The following LGR6 variants were observed in gnomAD, a reference collection of about 807,000 sequenced individuals.
LGR6 encodes the protein leucine-rich repeat-containing G protein-coupled receptor 6.
In LGR6, 45 loss-of-function variants were observed where a neutral mutation model predicts 69.4. The observed-to-expected ratio is 0.65, with a 90% CI of 0.51 to 0.83. The LOEUF (loss-of-function observed/expected upper bound fraction) is 0.83, where lower values mean the gene tolerates loss of function less well. LGR6 is among the 40% of genes least tolerant of loss of function. The pLI is 0.00. For synonymous variants in LGR6, 538 were observed against 555.0 expected (o/e 0.97, Z 0.43); for missense variants, 1,108 against 1,246.7 (o/e 0.89, Z 1.68).
chr1:202,221,729 A>C (rs1008993764), intron 1 of LGR6, among the ~76,000 whole-genome samples: 8 of 152,232 alleles, frequency 5.3e-5, no homozygotes, highest in African/African-American at 1.9e-4. Context: ...GAGCCCAGCT[A>C]TCCCATCCCA....
chr1:202,249,750 G>A (rs1198618937), intron 4 of LGR6, among the ~76,000 whole-genome samples: 1 of 152,140 alleles, frequency 6.6e-6, no homozygotes, highest in Non-Finnish European at 1.5e-5. Flanking sequence ...TCGCTCTGGA[G>A]TAGGTCCTCT....
At chr1:202,237,384 G>A (rs1348843524) in intron 4 of LGR6, among the ~76,000 whole-genome samples, 1 of 152,228 alleles carries the variant, frequency 6.6e-6, no homozygotes, top group East Asian at 1.9e-4. Context: ...GCGCAGCAGG[G>A]ACAGCCAAAA....
chr1:202,288,931 G>A (rs1325628288), intron 6 of LGR6, among the ~76,000 whole-genome samples: 3 of 152,150 alleles, frequency 2.0e-5, no homozygotes, highest in African/African-American at 7.2e-5. Context: ...CAAACATCCA[G>A]GTGAGAGGGA....
chr1:202,301,392 A>T lies in LGR6; in HGVS notation c.929+157A>T, dbSNP rs369363878. On this transcript the variant is annotated intron_variant, in intron 9 of 17. Coordinates refer to ENST00000367278, the MANE Select transcript of LGR6 (RefSeq NM_001017403.2). ...GGCTGCAGGCCTCTGCTTTGCTCAG[A>T]CCCGTTCCCACCTCTTTCTAAATTT... is the stretch of plus-strand genomic sequence containing the variant. Among the ~76,000 whole-genome samples, 92 of 152,238 alleles carry T rather than the reference A, an allele frequency of 6.0e-4. 1 individual carries two copies. In the South Asian group the frequency reaches 0.016, roughly 27 times the overall value.
At chr1:202,281,766 C>T (rs1666024024) in intron 6 of LGR6, among the ~76,000 whole-genome samples, 1 of 151,892 alleles carries the variant, frequency 6.6e-6, no homozygotes, top group Non-Finnish European at 1.5e-5. Context: ...TCCACCTTGC[C>T]CTCCATAACC....
chr1:202,314,020 G>T (rs914413419), intron 16 of LGR6, among the ~76,000 whole-genome samples: 3 of 152,338 alleles, frequency 2.0e-5, no homozygotes, highest in Middle Eastern at 3.4e-3. Context: ...GCACTCAGCA[G>T]ATGTGGACCT....
intron 1 of LGR6, among the ~76,000 whole-genome samples, chr1:202,196,774 C>T (rs1254447047): frequency 6.6e-6 from 1 of 152,134 alleles, no homozygotes; most frequent in Non-Finnish European, 1.5e-5. Flanking sequence ...CCTCTCCACA[C>T]CAGAAGAAAA....
In LGR6 at chr1:202,307,386, A is replaced by G. The variant is rs749165381; in HGVS notation, c.1265A>G (p.His422Arg). The G allele has an allele frequency of 8.7e-6, 14 of 1,613,722 alleles. No individual in the cohort carries two copies. Among genetic ancestry groups the G allele is most frequent in the Non-Finnish European group, 1.1e-5 (13 of 1,179,920 alleles). ...CACCCCGAGGCCTTCTCCACCCTGC[A>G]CTCCCTGGTCAAGCTGTAAGTGCCT... Reference protein sequence around the residue: ...SIHPEAFSTLHSLVKLDLTDN... With the variant: ...SIHPEAFSTLRSLVKLDLTDN... Residue 422 changes from histidine to arginine, a missense_variant, in exon 14 of 18, where the codon CAC (histidine) becomes CGC (arginine). His to Arg is a conservative substitution (Grantham distance 29). Transcript: ENST00000367278.
chr1:202,208,585 GC>G (rs1470922785), intron 1 of LGR6, among the ~76,000 whole-genome samples: 3 of 151,694 alleles, frequency 2.0e-5, no homozygotes, highest in Non-Finnish European at 4.4e-5. Context: ...CCAGAACAAG[GC>G]CCCCCATTAA....
intron 1 of LGR6, among the ~76,000 whole-genome samples, chr1:202,213,739 A>C (rs1209919266): frequency 6.6e-6 from 1 of 152,188 alleles, no homozygotes; most frequent in African/African-American, 2.4e-5. Flanking sequence ...ATTAGATACT[A>C]TTTTATAGAT....
chr1:202,228,546 G>C (rs1010242907), intron 3 of LGR6, among the ~76,000 whole-genome samples: 3 of 152,174 alleles, frequency 2.0e-5, no homozygotes, highest in Non-Finnish European at 4.4e-5. Context: ...GAAGCAAAAG[G>C]AAAGTGAGAG....
At position 202,251,971 on chromosome 1, in the gene LGR6, G is replaced by T. The variant is rs961271122; in HGVS notation, c.428+15978G>T. ...GATTGGAGGCAAACAAATAGTCCCC[G>T]GATTCTTAGTTCTGCCTTTTGTTGA... On this transcript the variant is annotated intron_variant, in intron 4 of 17. Coordinates refer to ENST00000367278, the MANE Select transcript of LGR6 (RefSeq NM_001017403.2). Among the ~76,000 whole-genome samples the T allele has an allele frequency of 3.3e-5, 5 of 151,980 alleles. 1 individual carries two copies. Among genetic ancestry groups the T allele is most frequent in the African/African-American group, 1.2e-4 (5 of 41,330 alleles).
chr1:202,278,489 G>T (rs3010087), intron 5 of LGR6, among the ~76,000 whole-genome samples: 67,650 of 151,816 alleles, frequency 0.45, 16,471 homozygotes, highest in East Asian at 0.7. Flanking sequence ...TGGTGCGGGA[G>T]CAAAGCTGAT....
At chr1:202,280,054 A>G (rs566146260) in intron 5 of LGR6, among the ~76,000 whole-genome samples, 20 of 152,222 alleles carry the variant, frequency 1.3e-4, no homozygotes, top group South Asian at 6.2e-4. Flanking sequence ...TGTCTTTTGC[A>G]TCCTCTTTCT....
At chr1:202,237,479 C>T (rs995099657) in intron 4 of LGR6, among the ~76,000 whole-genome samples, 1 of 152,252 alleles carries the variant, frequency 6.6e-6, no homozygotes, top group African/African-American at 2.4e-5. Flanking sequence ...TAGACTTTCA[C>T]TGGACTTCTT....
chr1:202,237,260 G>C (rs1243269263), intron 4 of LGR6, among the ~76,000 whole-genome samples: 1 of 152,204 alleles, frequency 6.6e-6, no homozygotes, highest in Non-Finnish European at 1.5e-5. Context: ...CCCCTGGACA[G>C]GGCCAGGCAA....
At chr1:202,295,406 C>G (rs1393353010) in intron 6 of LGR6, among the ~76,000 whole-genome samples, 2 of 149,740 alleles carry the variant, frequency 1.3e-5, no homozygotes, top group African/African-American at 2.5e-5. Flanking sequence ...TCTCTTGCAA[C>G]AATGGAGAAT....
At chr1:202,304,438 ATTTCTCTCTTT>A (rs1667828474) in intron 10 of LGR6, 110 bp from the exon 11 acceptor site, 2 of 557,148 alleles carry the variant, frequency 3.6e-6, no homozygotes, top group African/African-American at 3.8e-5. Flanking sequence ...CTCTCCCTCC[ATTTCTCTCTTT>A]TGTTAGCTCC....
At chr1:202,275,313 T>A (rs1221746428) in intron 4 of LGR6, among the ~76,000 whole-genome samples, 1 of 152,164 alleles carries the variant, frequency 6.6e-6, no homozygotes, top group African/African-American at 2.4e-5. Context: ...TGTGAGACCA[T>A]CTGCTTAGGG....
Sources: gnomAD v4.1 joint callset for allele counts (sites outside exome capture counted in the v4.1 genomes callset) on GRCh38, gnomAD v4.1.1 for gene constraint, MANE v1.5 for transcripts, NCBI Gene and HGNC (gene_info 2026-07-23, HGNC 2026-07-21) for gene names.